The following SGCZ variants were observed in gnomAD, a reference collection of about 807,000 sequenced individuals.
SGCZ encodes zeta-sarcoglycan.
In SGCZ, 40 loss-of-function variants were observed where a neutral mutation model predicts 41.3. That is an observed-to-expected ratio of 0.97 (90% CI 0.75 to 1.26). The LOEUF (loss-of-function observed/expected upper bound fraction) is 1.26. Ranked by LOEUF, SGCZ falls within the 50% of genes most tolerant of loss-of-function variation. The pLI is 0.00. For missense variants in SGCZ, 552 were observed against 369.8 expected (o/e 1.49, Z -4.04); for synonymous variants, 206 against 137.5 (o/e 1.50, Z -3.49).
chr8:15,115,731 C>T (rs930693729), intron 1 of SGCZ, among the ~76,000 whole-genome samples: 7 of 152,110 alleles, frequency 4.6e-5, no homozygotes, highest in Admixed American at 3.9e-4. Flanking sequence ...TAGGTCATTG[C>T]TATTGAATAC....
chr8:15,148,603 C>G (rs1233881904), intron 1 of SGCZ, among the ~76,000 whole-genome samples: 1 of 152,160 alleles, frequency 6.6e-6, no homozygotes, highest in Non-Finnish European at 1.5e-5. Context: ...TTGATTAATA[C>G]AACCCCTGAA....
At chr8:14,457,692 C>G (rs1442457916) in intron 2 of SGCZ, among the ~76,000 whole-genome samples, 1 of 152,178 alleles carries the variant, frequency 6.6e-6, no homozygotes, top group Non-Finnish European at 1.5e-5. Context: ...GGTAAGCTGT[C>G]TTTCTCTTTG....
intron 2 of SGCZ, among the ~76,000 whole-genome samples, chr8:14,464,268 T>A (rs182977567): frequency 7.2e-6 from 1 of 139,634 alleles, no homozygotes; most frequent in Non-Finnish European, 1.5e-5. Flanking sequence ...GTCAGGAGAT[T>A]TTTTTTTGGT....
intron 2 of SGCZ, among the ~76,000 whole-genome samples, chr8:14,531,443 G>T (rs918491492): frequency 6.6e-6 from 1 of 151,734 alleles, no homozygotes; most frequent in Non-Finnish European, 1.5e-5. Flanking sequence ...ATTCCCTCCC[G>T]CTTGCTGAGC....
At chr8:14,674,648 G>C (rs556053547) in intron 1 of SGCZ, among the ~76,000 whole-genome samples, 3 of 152,098 alleles carry the variant, frequency 2.0e-5, no homozygotes, top group African/African-American at 4.8e-5. Flanking sequence ...CGTGGGACCT[G>C]GTGGGAGGTG....
At chr8:14,647,174 C>A (rs1807249042) in intron 1 of SGCZ, among the ~76,000 whole-genome samples, 1 of 152,002 alleles carries the variant, frequency 6.6e-6, no homozygotes, top group Non-Finnish European at 1.5e-5. Flanking sequence ...TGTTTTAGTA[C>A]AGATACAACT....
chr8:14,122,336 A>G (rs1467691849), intron 5 of SGCZ, among the ~76,000 whole-genome samples: 2 of 152,202 alleles, frequency 1.3e-5, no homozygotes, highest in East Asian at 3.9e-4. Flanking sequence ...AGATAGGAAC[A>G]TTCTCATTCA....
chr8:15,229,807 A>G (rs1801888040), intron 1 of SGCZ, among the ~76,000 whole-genome samples: 1 of 152,186 alleles, frequency 6.6e-6, no homozygotes, highest in Non-Finnish European at 1.5e-5. Flanking sequence ...ATGGCAGCTG[A>G]ATTGGTTGCT....
chr8:14,871,625 G>A (rs1288115818), intron 1 of SGCZ, among the ~76,000 whole-genome samples: 3 of 151,974 alleles, frequency 2.0e-5, no homozygotes, highest in African/African-American at 7.2e-5. Context: ...CCAACACAGT[G>A]AAACCCCATC....
chr8:14,852,328 C>A (rs1255557068), intron 1 of SGCZ, among the ~76,000 whole-genome samples: 1 of 152,062 alleles, frequency 6.6e-6, no homozygotes, highest in South Asian at 2.1e-4. Flanking sequence ...AGTCATAATA[C>A]TTTGTAAATA....
chr8:14,145,933 T>C (rs1012931917), intron 5 of SGCZ, among the ~76,000 whole-genome samples: 14 of 152,146 alleles, frequency 9.2e-5, no homozygotes, highest in African/African-American at 3.4e-4. Context: ...ATATATTGCC[T>C]ATAGGATCTA....
At chr8:14,353,593 T>G (rs1467104242) in intron 2 of SGCZ, among the ~76,000 whole-genome samples, 1 of 152,114 alleles carries the variant, frequency 6.6e-6, no homozygotes, top group Non-Finnish European at 1.5e-5. Flanking sequence ...GACTTACCCT[T>G]GATGTCTTCC....
chr8:14,363,240 C>T (rs923215669), intron 2 of SGCZ, among the ~76,000 whole-genome samples: 1 of 152,040 alleles, frequency 6.6e-6, no homozygotes, highest in Non-Finnish European at 1.5e-5. Context: ...CTTTTCATAC[C>T]GTGCTATTTT....
At chr8:14,179,373 C>G (rs1297917872) in intron 4 of SGCZ, among the ~76,000 whole-genome samples, 1 of 152,160 alleles carries the variant, frequency 6.6e-6, no homozygotes, top group Non-Finnish European at 1.5e-5. Flanking sequence ...AATACCTTTT[C>G]TAGTATCCCT....
intron 1 of SGCZ, among the ~76,000 whole-genome samples, chr8:14,784,981 T>TA (rs1563267504): frequency 3.5e-5 from 5 of 142,462 alleles, no homozygotes; most frequent in South Asian, 4.3e-4. Flanking sequence ...TATATATTTT[T>TA]TATATATTAT....
At chr8:14,961,708 G>C (rs1444886707) in intron 1 of SGCZ, among the ~76,000 whole-genome samples, 1 of 152,050 alleles carries the variant, frequency 6.6e-6, no homozygotes, top group Admixed American at 6.6e-5. Context: ...TGGATAAGGA[G>C]GAACTACTGT....
Position 15,202,653 on chromosome 8 carries a change from AAAT to A in SGCZ, c.39+34929_39+34931del, listed in dbSNP as rs200221180. On this transcript the variant is annotated intron_variant, in intron 1 of 7. Transcript: ENST00000382080. ...TGTTCCCCAAAAACCTATTAAAATAAAATAATAATAATTTAACAAGAAAATAAA... is the reference window on the plus strand; with the variant it reads ...TGTTCCCCAAAAACCTATTAAAATAAAATAATAATTTAACAAGAAAATAAA... Among the ~76,000 whole-genome samples the A allele has an allele frequency of 2.0e-5, 3 of 151,730 alleles. No individual in the cohort carries two copies. The East Asian group carries it at 5.8e-4, about 29-fold the overall frequency.
At chr8:14,948,496 T>G (rs1411984558) in intron 1 of SGCZ, among the ~76,000 whole-genome samples, 1 of 152,042 alleles carries the variant, frequency 6.6e-6, no homozygotes, top group East Asian at 1.9e-4. Flanking sequence ...GAGAGAGGTC[T>G]CCGCTAGATC....
chr8:14,252,002 G>T (rs1386606301), intron 3 of SGCZ, among the ~76,000 whole-genome samples: 1 of 152,094 alleles, frequency 6.6e-6, no homozygotes, highest in Non-Finnish European at 1.5e-5. Flanking sequence ...GAGCCACCGT[G>T]CCTGGCCTGA....
Sources: gnomAD v4.1 joint callset for allele counts (sites outside exome capture counted in the v4.1 genomes callset) on GRCh38, gnomAD v4.1.1 for gene constraint, MANE v1.5 for transcripts, NCBI Gene and HGNC (gene_info 2026-07-23, HGNC 2026-07-21) for gene names.